CFAP44: variants seen among roughly 807,000 people sequenced by gnomAD.
CFAP44 encodes cilia and flagella associated protein 44, also known as cilia- and flagella-associated protein 44.
A neutral mutation model predicts 216.2 loss-of-function variants in CFAP44; 134 were observed. The ratio of observed to expected loss-of-function variants is 0.62; its 90% CI spans 0.54 to 0.72. CFAP44 has a LOEUF of 0.72. Ranked by LOEUF, CFAP44 falls within the 30% of genes least tolerant of loss-of-function variation. The pLI, the probability that CFAP44 is intolerant of heterozygous loss-of-function variation, is 0.00. For missense variants in CFAP44, 2,035 were observed against 2,182.1 expected, an observed-to-expected ratio of 0.93 and a Z score of 1.34; for synonymous variants, 700 against 727.6, an observed-to-expected ratio of 0.96 and a Z score of 0.61.
chr3:113,332,505 T>G (rs1950248738), intron 25 of CFAP44, among the ~76,000 whole-genome samples: 1 of 152,184 alleles, frequency 6.6e-6, no homozygotes, highest in Non-Finnish European at 1.5e-5. Flanking sequence ...ATTGGCACCC[T>G]CTCCAAAGTG....
chr3:113,432,707 T>C (rs534643757), intron 2 of CFAP44, among the ~76,000 whole-genome samples: 3 of 145,250 alleles, frequency 2.1e-5, no homozygotes, highest in African/African-American at 7.9e-5. Context: ...CTATTTTTAG[T>C]ATACTGCCTT....
chr3:113,340,045 G>A (rs1950316643), intron 24 of CFAP44, among the ~76,000 whole-genome samples: 3 of 152,160 alleles, frequency 2.0e-5, no homozygotes, highest in Non-Finnish European at 4.4e-5. Context: ...TTGGCCCTGT[G>A]GGGTTGCGGC....
intron 31 of CFAP44, 24 bp downstream of exon 31, chr3:113,305,012 G>A: frequency 3.3e-6 from 5 of 1,532,620 alleles, no homozygotes; most frequent in Non-Finnish European, 4.4e-6. Flanking sequence ...GGACAGGATG[G>A]AGCAGCCTCC....
At chr3:113,292,212 T>C (rs1371081109) in intron 34 of CFAP44, among the ~76,000 whole-genome samples, 1 of 152,190 alleles carries the variant, frequency 6.6e-6, no homozygotes, top group African/African-American at 2.4e-5. Flanking sequence ...CTGCTTTCTG[T>C]TTTATCGAAA....
chr3:113,308,542 C>G (rs1378831438), intron 28 of CFAP44, among the ~76,000 whole-genome samples: 1 of 152,260 alleles, frequency 6.6e-6, no homozygotes, highest in African/African-American at 2.4e-5. Context: ...ACCCACAATT[C>G]CTAACTCATA....
chr3:113,418,665 C>T (rs1424670845), intron 5 of CFAP44, among the ~76,000 whole-genome samples: 2 of 152,052 alleles, frequency 1.3e-5, no homozygotes, highest in African/African-American at 2.4e-5. Flanking sequence ...TGCTCAACAT[C>T]CAGGTGGATG....
At chr3:113,419,879 T>A in intron 5 of CFAP44, 138 bp downstream of exon 5, 2 of 778,512 alleles carry the variant, frequency 2.6e-6, no homozygotes. Flanking sequence ...TGCCTTGGAA[T>A]AAAGACAGCT....
intron 19 of CFAP44, among the ~76,000 whole-genome samples, chr3:113,365,525 A>G (rs1266432896): frequency 2.6e-5 from 4 of 152,194 alleles, no homozygotes; most frequent in South Asian, 2.1e-4. Flanking sequence ...CTCAAACTTC[A>G]TCATAAAGCC....
Position 113,326,545 on chromosome 3 carries a change from T to C in CFAP44, c.4416A>G (p.Gln1472=). Residue 1472 remains glutamine (Q), a synonymous_variant, in exon 28 of 35, where the codon CAA becomes CAG. Coordinates refer to ENST00000393845, the MANE Select transcript of CFAP44 (RefSeq NM_001164496.2). ...EQEKALYAGF[Q]AAIGENNKFA... ...ATTTATTGTTTTCTCCAATGGCTGC[T>C]TGAAAACCAGCATAGAGTGCCTTTT... The C allele has an allele frequency of 2.6e-6, 4 of 1,532,618 alleles. No homozygotes were observed. The highest frequency in any genetic ancestry group is 3.5e-6 in the Non-Finnish European group (4 of 1,144,998). The allele number at this position is 1,532,618 out of a possible 1,614,324, so 94.9% of individuals were successfully genotyped here. A position where few individuals can be genotyped will look rare whatever the true frequency, so the allele number is the denominator to read the frequency against.
intron 22 of CFAP44, among the ~76,000 whole-genome samples, chr3:113,355,865 C>T (rs1333330581): frequency 1.3e-5 from 2 of 151,190 alleles, no homozygotes; most frequent in Non-Finnish European, 2.9e-5. Flanking sequence ...GGCAGATAGG[C>T]AAAAAGCATA....
intron 28 of CFAP44, among the ~76,000 whole-genome samples, chr3:113,322,073 T>C (rs942996388): frequency 1.3e-5 from 2 of 152,192 alleles, no homozygotes; most frequent in Non-Finnish European, 2.9e-5. Flanking sequence ...AATGCAATCC[T>C]AAAGATAATC....
intron 19 of CFAP44, among the ~76,000 whole-genome samples, chr3:113,363,791 T>C (rs1214906786): frequency 6.6e-6 from 1 of 152,204 alleles, no homozygotes; most frequent in East Asian, 1.9e-4. Flanking sequence ...AAAATGTTAA[T>C]ATCCCCATAA....
chr3:113,317,875 C>CACAG (rs1284414676), intron 28 of CFAP44, among the ~76,000 whole-genome samples: 2 of 152,224 alleles, frequency 1.3e-5, no homozygotes, highest in Admixed American at 1.3e-4. Flanking sequence ...ACAACAAAAA[C>CACAG]ACAGGCACAG....
chr3:113,347,619 G>C (rs550185470), intron 22 of CFAP44, among the ~76,000 whole-genome samples: 1 of 152,286 alleles, frequency 6.6e-6, no homozygotes, highest in African/African-American at 2.4e-5. Context: ...AAGCCCCATT[G>C]GGTGGGGAGA....
chr3:113,328,324 T>C (rs1225682866), intron 26 of CFAP44, among the ~76,000 whole-genome samples: 1 of 150,490 alleles, frequency 6.6e-6, no homozygotes, highest in African/African-American at 2.4e-5. Flanking sequence ...TTGAAGAAAT[T>C]AAGGTCAAAG....
At chr3:113,373,817 C>G (rs1933251915) in intron 17 of CFAP44, among the ~76,000 whole-genome samples, 1 of 152,184 alleles carries the variant, frequency 6.6e-6, no homozygotes, top group Non-Finnish European at 1.5e-5. Context: ...GATATCACCT[C>G]TGACTCCCTA....
At chr3:113,337,144 A>G (rs1249339250) in intron 24 of CFAP44, among the ~76,000 whole-genome samples, 1 of 151,076 alleles carries the variant, frequency 6.6e-6, no homozygotes, top group African/African-American at 2.4e-5. Context: ...AAAATCAATT[A>G]TATTTCTATG....
intron 13 of CFAP44, chr3:113,397,123 G>T (rs1260937306): frequency 5.5e-6 from 1 of 181,300 alleles, no homozygotes; most frequent in Non-Finnish European, 1.2e-5. Flanking sequence ...AGAAAGAAAT[G>T]TATTCTCTGA....
intron 10 of CFAP44, 69 bp from the exon 11 acceptor site, chr3:113,401,356 T>C (rs1934136435): frequency 1.4e-6 from 2 of 1,408,272 alleles, no homozygotes; most frequent in Admixed American, 4.6e-5. Context: ...ATGTTCTTTC[T>C]ATGTTTTATT....
Sources: allele counts gnomAD v4.1 joint callset (sites outside exome capture counted in the v4.1 genomes callset), GRCh38; gene constraint gnomAD v4.1.1; transcripts MANE v1.5; gene names NCBI Gene and HGNC (gene_info 2026-07-23, HGNC 2026-07-21).